The following EDIL3 variants were observed in gnomAD, a reference collection of about 807,000 sequenced individuals.
EDIL3 encodes EGF-like repeat and discoidin I-like domain-containing protein 3.
A neutral mutation model predicts 67.4 loss-of-function variants in EDIL3; 37 were observed. That is an observed-to-expected ratio of 0.55 (90% confidence interval 0.42 to 0.72). The LOEUF (loss-of-function observed/expected upper bound fraction) is 0.72, where lower values mean the gene tolerates loss of function less well. EDIL3 is among the 30% of genes least tolerant of loss of function. The pLI is 0.00. For synonymous variants in EDIL3, 195 were observed against 196.3 expected (o/e 0.99, Z 0.05); for missense variants, 527 against 586.3 (o/e 0.90, Z 1.04).
chr5:84,190,022 A>G (rs1293377963), intron 3 of EDIL3, among the ~76,000 whole-genome samples: 1 of 152,044 alleles, frequency 6.6e-6, no homozygotes, highest in African/African-American at 2.4e-5. Context: ...ATTTAGTAAT[A>G]TAAGGCCTAG....
intron 3 of EDIL3, among the ~76,000 whole-genome samples, chr5:84,205,935 T>C (rs1188487026): frequency 6.6e-6 from 1 of 151,690 alleles, no homozygotes; most frequent in Non-Finnish European, 1.5e-5. Context: ...TGATTTTAGT[T>C]ATTTCTTGCC....
chr5:84,051,718 G>C (rs1746342407), intron 9 of EDIL3, among the ~76,000 whole-genome samples: 1 of 152,192 alleles, frequency 6.6e-6, no homozygotes. Context: ...AGTGACTGAA[G>C]ATCAAATGAA....
intron 3 of EDIL3, among the ~76,000 whole-genome samples, chr5:84,186,834 T>C (rs1743466044): frequency 6.6e-6 from 1 of 152,010 alleles, no homozygotes; most frequent in South Asian, 2.1e-4. Flanking sequence ...CACTCAGAGC[T>C]TGTAAAACAA....
intron 9 of EDIL3, among the ~76,000 whole-genome samples, chr5:83,978,338 T>C (rs886697511): frequency 8.5e-5 from 13 of 152,072 alleles, no homozygotes; most frequent in African/African-American, 3.1e-4. Context: ...TTAACACCTT[T>C]GAATAACTCA....
At chr5:84,085,840 A>G (rs900647866) in intron 6 of EDIL3, among the ~76,000 whole-genome samples, 3 of 152,150 alleles carry the variant, frequency 2.0e-5, no homozygotes, top group Non-Finnish European at 4.4e-5. Context: ...TGAAGGTTTT[A>G]TCTGTAAGTC....
chr5:84,180,982 C>G (rs1749003011), intron 3 of EDIL3: 1 of 152,162 alleles, frequency 6.6e-6, no homozygotes, highest in Non-Finnish European at 1.5e-5. Flanking sequence ...ATTCACAACT[C>G]CACAATTTTT....
intron 3 of EDIL3, among the ~76,000 whole-genome samples, chr5:84,181,682 GTTAA>G (rs1274256551): frequency 6.6e-6 from 1 of 152,102 alleles, no homozygotes; most frequent in African/African-American, 2.4e-5. Context: ...CCTGCAGGAT[GTTAA>G]TTGACTCAGG....
chr5:84,075,463 T>A (rs1282733606), intron 6 of EDIL3, among the ~76,000 whole-genome samples: 1 of 149,426 alleles, frequency 6.7e-6, no homozygotes. Flanking sequence ...TGACAGGGGC[T>A]TCTTCTTCTT....
chr5:84,078,981 C>T (rs1265627880), intron 6 of EDIL3, among the ~76,000 whole-genome samples: 1 of 152,108 alleles, frequency 6.6e-6, no homozygotes, highest in African/African-American at 2.4e-5. Flanking sequence ...CACCCCTGCC[C>T]CGTCCTCTAG....
intron 4 of EDIL3, among the ~76,000 whole-genome samples, chr5:84,175,274 T>C (rs1312130919): frequency 1.3e-5 from 2 of 152,122 alleles, no homozygotes; most frequent in Non-Finnish European, 2.9e-5. Flanking sequence ...TAAGAATTAA[T>C]GATAAGAGGA....
At position 84,256,119 on chromosome 5, in the gene EDIL3, A is replaced by ACTATCTATCTATCTAT. The variant is rs1554038574; in HGVS notation, c.68-1923_68-1908dup. ...CTATCATTTATATACTTATCATCTA[A>ACTATCTATCTATCTAT]CTATCTATCTATCTATCTATCTATC... On this transcript the variant is annotated intron_variant, in intron 1 of 10. Transcript: ENST00000296591. 3.5e-3 allele frequency among the ~76,000 whole-genome samples: 511 copies of ACTATCTATCTATCTAT among 147,112 alleles called. 2 individuals carry two copies. Among genetic ancestry groups the ACTATCTATCTATCTAT allele is most frequent in the African/African-American group, 0.011 (431 of 39,416 alleles).
chr5:84,035,176 T>G (rs904939787), intron 9 of EDIL3, among the ~76,000 whole-genome samples: 3 of 152,130 alleles, frequency 2.0e-5, no homozygotes, highest in Non-Finnish European at 2.9e-5. Flanking sequence ...TATATATATA[T>G]GAATAAAGCT....
At chr5:84,202,093 C>G (rs924326300) in intron 3 of EDIL3, among the ~76,000 whole-genome samples, 1 of 152,142 alleles carries the variant, frequency 6.6e-6, no homozygotes. Context: ...CTTCTCCATC[C>G]CTTTTCAAGT....
At chr5:84,220,374 G>T (rs896102934) in intron 3 of EDIL3, among the ~76,000 whole-genome samples, 9 of 152,246 alleles carry the variant, frequency 5.9e-5, no homozygotes, top group Non-Finnish European at 1.2e-4. Context: ...GGGTAGTTGG[G>T]ATTTTAAAAG....
chr5:84,082,895 GA>G (rs1338533964), intron 6 of EDIL3, among the ~76,000 whole-genome samples: 3 of 152,076 alleles, frequency 2.0e-5, no homozygotes, highest in Non-Finnish European at 4.4e-5. Flanking sequence ...GACATATTAG[GA>G]GTAAGTTTTT....
intron 5 of EDIL3, among the ~76,000 whole-genome samples, chr5:84,133,262 C>A (rs777623476): frequency 6.6e-6 from 1 of 151,684 alleles, no homozygotes; most frequent in Non-Finnish European, 1.5e-5. Context: ...TTTCTCATTC[C>A]AATTCATCAT....
chr5:84,310,235 T>C (rs1746357630), intron 1 of EDIL3, among the ~76,000 whole-genome samples: 1 of 152,234 alleles, frequency 6.6e-6, no homozygotes. Flanking sequence ...AAATAGTTAC[T>C]GTTACATAAA....
At chr5:84,109,887 G>A (rs576855261) in intron 5 of EDIL3, among the ~76,000 whole-genome samples, 36 of 152,068 alleles carry the variant, frequency 2.4e-4, no homozygotes, top group Non-Finnish European at 3.7e-4. Context: ...TTTTAAAATC[G>A]GGGTTATGAT....
At chr5:84,366,911 T>C (rs1028596381) in intron 1 of EDIL3, among the ~76,000 whole-genome samples, 8 of 152,168 alleles carry the variant, frequency 5.3e-5, no homozygotes, top group African/African-American at 1.2e-4. Context: ...TTTATGAAAA[T>C]AGATGCAAAT....
Sources: allele counts gnomAD v4.1 joint callset (sites outside exome capture counted in the v4.1 genomes callset), GRCh38; gene constraint gnomAD v4.1.1; transcripts MANE v1.5; gene names NCBI Gene and HGNC (gene_info 2026-07-23, HGNC 2026-07-21).